Variants in ERC2 observed in about 807,000 individuals in gnomAD.
The protein encoded by ERC2 is ELKS/RAB6-interacting/CAST family member 2, also known as ERC protein 2.
Under a neutral mutation model 114.8 loss-of-function variants are expected in ERC2, and 42 were observed. The observed-to-expected ratio is 0.37, with a 90% CI of 0.29 to 0.47. The LOEUF is 0.47. Ranked by LOEUF, ERC2 falls within the 20% of genes least tolerant of loss-of-function variation. The probability of loss-of-function intolerance (pLI) is 0.99; values close to 1 mark genes in which losing one functional copy is unlikely to be tolerated. For synonymous variants in ERC2, 454 were observed against 425.5 expected, an observed-to-expected ratio of 1.07 and a Z score of -0.82; for missense variants, 939 against 1,150.7, an observed-to-expected ratio of 0.82 and a Z score of 2.66.
chr3:55,803,114 G>A (rs1471077837), intron 14 of ERC2, among the ~76,000 whole-genome samples: 2 of 152,130 alleles, frequency 1.3e-5, no homozygotes, highest in African/African-American at 4.8e-5. Context: ...GGCTTCAAAG[G>A]AAGACCAGTA....
At chr3:56,021,797 C>T (rs1459556979) in intron 7 of ERC2, among the ~76,000 whole-genome samples, 2 of 152,162 alleles carry the variant, frequency 1.3e-5, no homozygotes, top group African/African-American at 4.8e-5. Context: ...CATTTAGCTC[C>T]CACTTATGAG....
chr3:56,439,350 G>A (rs548144014), intron 1 of ERC2, among the ~76,000 whole-genome samples: 186 of 152,298 alleles, frequency 1.2e-3, no homozygotes, highest in South Asian at 2.5e-3. Context: ...GGAGAGTGAA[G>A]CAGGAGGATC....
intron 7 of ERC2, among the ~76,000 whole-genome samples, chr3:56,040,766 A>C (rs1031243036): frequency 8.5e-6 from 1 of 117,896 alleles, no homozygotes; most frequent in African/African-American, 2.8e-5. Flanking sequence ...AGATACATAG[A>C]TCTCTATATA....
At position 55,548,045 on chromosome 3, in the gene ERC2, C is replaced by A. The variant is rs569035992; in HGVS notation, c.*40-36769G>T. ...GCCTGATGAGGATCTGGCTGGTCCA[C>A]AATAGGGGCTGGGGAAGCAGCTGGT... On this transcript the variant is annotated intron_variant, in intron 17 of 17. Transcript: ENST00000288221. Among the ~76,000 whole-genome samples, 7 of 152,296 alleles carry A rather than the reference C, an allele frequency of 4.6e-5. No individual in the cohort carries two copies. The South Asian group carries it at 1.5e-3, about 32-fold the overall frequency.
At chr3:55,996,588 A>T (rs1292924021) in intron 10 of ERC2, among the ~76,000 whole-genome samples, 1 of 152,176 alleles carries the variant, frequency 6.6e-6, no homozygotes, top group East Asian at 1.9e-4. Context: ...ATACTACATC[A>T]GTAAGTTTTG....
intron 6 of ERC2, among the ~76,000 whole-genome samples, chr3:56,098,880 G>T (rs1232206932): frequency 6.6e-6 from 1 of 152,132 alleles, no homozygotes; most frequent in Non-Finnish European, 1.5e-5. Flanking sequence ...TTCGTTCTTG[G>T]ACTAGGCTTA....
intron 2 of ERC2, among the ~76,000 whole-genome samples, chr3:56,368,185 TAA>T (rs71294729): frequency 1.5e-5 from 2 of 137,792 alleles, no homozygotes; most frequent in Non-Finnish European, 1.5e-5. Flanking sequence ...CTTTTTTTTT[TAA>T]AAAAAAAAAA....
At chr3:55,790,380 T>C (rs144707268) in intron 14 of ERC2, among the ~76,000 whole-genome samples, 2 of 152,248 alleles carry the variant, frequency 1.3e-5, no homozygotes, top group African/African-American at 4.8e-5. Flanking sequence ...ACAGTAATCA[T>C]AGTTAAGATC....
intron 7 of ERC2, among the ~76,000 whole-genome samples, chr3:56,074,548 C>A (rs2076886264): frequency 6.6e-6 from 1 of 152,136 alleles, no homozygotes; most frequent in Non-Finnish European, 1.5e-5. Flanking sequence ...GAGAAGGAAG[C>A]ATTCTCTTTG....
chr3:55,518,103 C>T (rs2052659074), intron 17 of ERC2, among the ~76,000 whole-genome samples: 2 of 152,034 alleles, frequency 1.3e-5, no homozygotes, highest in African/African-American at 4.8e-5. Flanking sequence ...AGCACTGCCC[C>T]TCTCCCAGTC....
intron 13 of ERC2, among the ~76,000 whole-genome samples, chr3:55,923,180 A>G (rs1445931775): frequency 6.6e-6 from 1 of 152,204 alleles, no homozygotes; most frequent in Non-Finnish European, 1.5e-5. Context: ...TATACATGCA[A>G]TGGAAAATAT....
intron 5 of ERC2, 137 bp downstream of exon 5, chr3:56,148,840 G>T (rs893026044): frequency 2.7e-6 from 2 of 735,830 alleles, no homozygotes; most frequent in Non-Finnish European, 4.1e-6. Context: ...AAAATCTTCC[G>T]CATTCTACTT....
intron 17 of ERC2, among the ~76,000 whole-genome samples, chr3:55,653,899 C>T (rs1005857930): frequency 1.3e-5 from 2 of 152,142 alleles, no homozygotes; most frequent in Non-Finnish European, 2.9e-5. Flanking sequence ...TTGGAATGCC[C>T]GCTCCATCTC....
chr3:56,128,172 C>T (rs967268096), intron 6 of ERC2, among the ~76,000 whole-genome samples: 1 of 152,168 alleles, frequency 6.6e-6, no homozygotes, highest in Admixed American at 6.5e-5. Context: ...TACTTCCATG[C>T]ACTTACCCTG....
intron 3 of ERC2, among the ~76,000 whole-genome samples, chr3:56,203,834 A>G (rs1033461338): frequency 6.6e-5 from 10 of 152,228 alleles, no homozygotes; most frequent in African/African-American, 2.4e-4. Flanking sequence ...AGATTAATCT[A>G]AAGAACCACC....
chr3:56,395,891 C>G (rs1225812968), intron 2 of ERC2, among the ~76,000 whole-genome samples: 1 of 152,212 alleles, frequency 6.6e-6, no homozygotes, highest in African/African-American at 2.4e-5. Context: ...CAGGAAAACA[C>G]TTCCACCAGT....
At chr3:56,154,399 A>G (rs1392864386) in intron 4 of ERC2, among the ~76,000 whole-genome samples, 1 of 152,164 alleles carries the variant, frequency 6.6e-6, no homozygotes, top group Non-Finnish European at 1.5e-5. Flanking sequence ...GGACTAGATC[A>G]AATGAAAAGC....
At chr3:55,767,846 G>A (rs1403776594) in intron 14 of ERC2, among the ~76,000 whole-genome samples, 1 of 152,186 alleles carries the variant, frequency 6.6e-6, no homozygotes, top group African/African-American at 2.4e-5. Context: ...GGGGTCTACT[G>A]AGTACCAAAT....
chr3:56,213,738 C>T (rs570778618), intron 3 of ERC2, among the ~76,000 whole-genome samples: 7 of 152,262 alleles, frequency 4.6e-5, no homozygotes, highest in East Asian at 1.9e-4. Context: ...CCCTGACTCC[C>T]GAGTAGCGTA....
Sources: gnomAD v4.1 joint callset for allele counts (sites outside exome capture counted in the v4.1 genomes callset) on GRCh38, gnomAD v4.1.1 for gene constraint, MANE v1.5 for transcripts, NCBI Gene and HGNC (gene_info 2026-07-23, HGNC 2026-07-21) for gene names.